SYCE1: variants seen among roughly 807,000 people sequenced by gnomAD.
The protein encoded by SYCE1 is synaptonemal complex central element protein 1.
In SYCE1, 37 loss-of-function variants were observed where a neutral mutation model predicts 55.1. The observed-to-expected ratio is 0.67, with a 90% CI of 0.52 to 0.88. The LOEUF (loss-of-function observed/expected upper bound fraction) is 0.88. SYCE1 is among the 40% of genes least tolerant of loss of function. SYCE1 has a pLI of 0.00. For missense variants in SYCE1, 399 were observed against 416.4 expected (o/e 0.96, Z 0.36); for synonymous variants, 163 against 159.4 (o/e 1.02, Z -0.17).
At chr10:133,564,265 G>T in intron 1 of SYCE1, 1 of 417,738 alleles carries the variant, frequency 2.4e-6, no homozygotes, top group Non-Finnish European at 3.2e-6. Flanking sequence ...GAAGTCTATA[G>T]CCAGGAAGCA....
upstream of SYCE1, chr10:133,568,037 A>T (rs574547231): frequency 1.6e-6 from 1 of 620,256 alleles, no homozygotes; most frequent in Non-Finnish European, 3.0e-6. Context: ...AGGCCGGAGG[A>T]TCCTGGGGGA....
At chr10:133,557,565 GAACA>G (rs1257067469) in intron 6 of SYCE1, 1 of 519,386 alleles carries the variant, frequency 1.9e-6, no homozygotes, top group Non-Finnish European at 3.5e-6. Context: ...ATGCCTAAAT[GAACA>G]GACAGATGAG....
At chr10:133,561,164 C>T (rs926182070) in intron 1 of SYCE1, 5 of 152,286 alleles carry the variant, frequency 3.3e-5, no homozygotes, top group Middle Eastern at 3.4e-3. Flanking sequence ...CTCCTGAGGC[C>T]GTGTCACAGG....
At chr10:133,565,279 G>C (rs1851899856) in intron 1 of SYCE1, among the ~76,000 whole-genome samples, 178 bp downstream of exon 1, 1 of 152,192 alleles carries the variant, frequency 6.6e-6, no homozygotes, top group Non-Finnish European at 1.5e-5. Context: ...AGACAAAGTG[G>C]GGGGTGTGCG....
rs928388396 is a variant in SYCE1, at chr10:133,565,518, C to T, written c.12G>A (p.Arg4=). 1.3e-6 allele frequency: 2 copies of T among 1,549,732 alleles called. No homozygotes were observed. Among genetic ancestry groups the T allele is most frequent in the African/African-American group, 2.7e-5 (2 of 73,040 alleles). The change falls in exon 1 of 13, where the codon AGG becomes AGA. Residue 4 remains arginine (R), a synonymous_variant. Coordinates refer to ENST00000343131, the MANE Select transcript of SYCE1 (RefSeq NM_001143764.3). ...TGGGCTCGGCCTTCGATGTCAGGGA[C>T]CTCCCCGCCATTTCCTCTCAGCTCG... MAG[R]SLTSKAEPTA...
intron 5 of SYCE1, 107 bp downstream of exon 5, chr10:133,558,060 G>T: frequency 6.5e-7 from 1 of 1,540,714 alleles, no homozygotes; most frequent in Non-Finnish European, 8.9e-7. Flanking sequence ...AGCCACAGGA[G>T]AGAGGCAAGC....
At chr10:133,560,409 AG>A in intron 1 of SYCE1, 1 of 302,932 alleles carries the variant, frequency 3.3e-6, no homozygotes. Context: ...GGCTGTTCAA[AG>A]TAAGATCAAA....
rs561101127 is a variant in SYCE1 at position 133,563,054 on chromosome 10, A to T, written c.73+2403T>A. On this transcript the variant is annotated intron_variant, in intron 1 of 12. Transcript: ENST00000343131. ...TAACAGTTTTGATTGACAATACCAA[A>T]TTACCTTACACTGATGTATACAAGA... Among the ~76,000 whole-genome samples, 19 of 152,346 alleles carry T rather than the reference A, an allele frequency of 1.2e-4. 1 individual carries two copies. The highest frequency in any genetic ancestry group is 4.3e-4 in the African/African-American group (18 of 41,582).
intron 4 of SYCE1, 73 bp from the exon 5 acceptor site, chr10:133,558,287 C>A: frequency 6.5e-7 from 1 of 1,550,048 alleles, no homozygotes; most frequent in South Asian, 1.1e-5. Context: ...TGCTCACGGT[C>A]ACATGGGAAG....
chr10:133,559,446 C>T, intron 2 of SYCE1, 86 bp from the exon 3 acceptor site: 1 of 1,351,442 alleles, frequency 7.4e-7, no homozygotes, highest in Non-Finnish European at 1.1e-6. Context: ...TTTCACGCAA[C>T]ACAGATCTAT....
At chr10:133,566,807 TAGG>T (rs1175168877), upstream of SYCE1, among the ~76,000 whole-genome samples, 1 of 144,684 alleles carries the variant, frequency 6.9e-6, no homozygotes, top group African/African-American at 2.6e-5. Context: ...GGGTTAGCAT[TAGG>T]AGTTACAGTT....
upstream of SYCE1, chr10:133,567,688 G>A: frequency 4.6e-6 from 1 of 216,598 alleles, no homozygotes; most frequent in South Asian, 6.7e-5. Flanking sequence ...CTGTCCATGG[G>A]TTACCACGGC....
chr10:133,559,039 C>T, intron 3 of SYCE1, 88 bp from the exon 4 acceptor site: 1 of 1,329,102 alleles, frequency 7.5e-7, no homozygotes, highest in South Asian at 1.4e-5. Context: ...TCAGGTAAAT[C>T]TATAGTGGCC....
In SYCE1 at chr10:133,555,806, G is replaced by C; in HGVS notation, c.693C>G (p.Leu231=). Residue 231 remains leucine (L), a synonymous_variant, in exon 10 of 13, where the codon CTC becomes CTG. Transcript: ENST00000343131. ...GPSTLDEGLF[L]RSQEAAATVQ... ...CTGTGGCTGCAGCCTCCTGGCTGCG[G>C]AGAAAGAGTCCCTCATCAAGGGTGG... 6.2e-7 allele frequency: 1 copy of C among 1,613,502 alleles called. No homozygotes were observed. Among genetic ancestry groups the C allele is most frequent in the Non-Finnish European group, 8.5e-7 (1 of 1,180,000 alleles).
chr10:133,559,796 GA>G (rs1851780006), intron 2 of SYCE1: 1 of 455,990 alleles, frequency 2.2e-6, no homozygotes, highest in African/African-American at 2.0e-5. Context: ...GAGGGGGAAG[GA>G]AGGGAAGTGA....
intron 1 of SYCE1, among the ~76,000 whole-genome samples, chr10:133,562,459 G>A (rs926274526): frequency 1.3e-5 from 2 of 151,948 alleles, no homozygotes; most frequent in African/African-American, 4.8e-5. Flanking sequence ...TGAACGCTCT[G>A]CTGCATGAGG....
chr10:133,557,256 C>T (rs8181359), intron 6 of SYCE1, 100 bp from the exon 7 acceptor site: 95,151 of 945,480 alleles, frequency 0.1, 6,046 homozygotes, highest in East Asian at 0.26. Context: ...TTTTTTCCCT[C>T]TACATTAAGG....
chr10:133,560,208 G>A, intron 1 of SYCE1, 55 bp from the exon 2 acceptor site: 1 of 1,538,528 alleles, frequency 6.5e-7, no homozygotes, highest in South Asian at 1.1e-5. Context: ...GGCCACCCCT[G>A]GGCTGAGACT....
rs367820682 is a variant in SYCE1 at position 133,555,845 on chromosome 10, C to T, written c.654G>A (p.Gly218=). 1.2e-6 allele frequency: 2 copies of T among 1,613,910 alleles called. No individual in the cohort carries two copies. The highest frequency in any genetic ancestry group is 1.7e-6 in the Non-Finnish European group (2 of 1,180,018). The change falls in exon 10 of 13, where the codon GGG becomes GGA. Residue 218 remains glycine, a synonymous_variant. Coordinates refer to ENST00000343131, the MANE Select transcript of SYCE1 (RefSeq NM_001143764.3). ...DVKHQLCSLC[G]AEGPSTLDEG... Reference sequence around the variant, plus strand: ...CATCAAGGGTGGAGGGGCCCTCAGCCCCACACAGGGAGCACAGCTGATGCT... The same window carrying T: ...CATCAAGGGTGGAGGGGCCCTCAGCTCCACACAGGGAGCACAGCTGATGCT...
Sources: gnomAD v4.1 joint callset for allele counts (sites outside exome capture counted in the v4.1 genomes callset) on GRCh38, gnomAD v4.1.1 for gene constraint, MANE v1.5 for transcripts, NCBI Gene and HGNC (gene_info 2026-07-23, HGNC 2026-07-21) for gene names.